The following IHO1 variants were observed in gnomAD, a reference collection of about 807,000 sequenced individuals.
IHO1 encodes the protein interactor of HORMAD1 protein 1.
In IHO1, 13 loss-of-function variants were observed where a neutral mutation model predicts 31.0. The ratio of observed to expected loss-of-function variants is 0.42; its 90% CI spans 0.27 to 0.67. The LOEUF (loss-of-function observed/expected upper bound fraction) is 0.67, where lower values mean the gene tolerates loss of function less well. Ranked by LOEUF, IHO1 falls within the 30% of genes least tolerant of loss-of-function variation. The pLI, the probability that IHO1 is intolerant of heterozygous loss-of-function variation, is 0.24. For missense variants in IHO1, 599 were observed against 687.5 expected, an observed-to-expected ratio of 0.87 and a Z score of 1.44; for synonymous variants, 221 against 248.4, an observed-to-expected ratio of 0.89 and a Z score of 1.04.
At chr3:49,200,449 AGT>A (rs1252928904) in intron 1 of IHO1, 111 of 390,136 alleles carry the variant, frequency 2.8e-4, no homozygotes, top group Non-Finnish European at 3.0e-4. Flanking sequence ...TGGGCGACAG[AGT>A]GAGACTCGGT....
At chr3:49,219,252 G>A (rs1479404092) in intron 2 of IHO1, among the ~76,000 whole-genome samples, 1 of 152,176 alleles carries the variant, frequency 6.6e-6, no homozygotes, top group African/African-American at 2.4e-5. Flanking sequence ...CACGCTGAAG[G>A]TGGTGGGTTT....
intron 3 of IHO1, among the ~76,000 whole-genome samples, chr3:49,237,037 T>G (rs2046567513): frequency 6.7e-6 from 1 of 149,454 alleles, no homozygotes; most frequent in Admixed American, 6.7e-5. Context: ...GGTGACAGAG[T>G]GAGAACCTGT....
chr3:49,229,420 A>C (rs927350760), intron 2 of IHO1, among the ~76,000 whole-genome samples: 1 of 152,224 alleles, frequency 6.6e-6, no homozygotes, highest in Non-Finnish European at 1.5e-5. Context: ...ATTGATTCAG[A>C]TTACAATGGG....
chr3:49,203,366 A>G (rs1321035620), intron 1 of IHO1, among the ~76,000 whole-genome samples: 1 of 152,162 alleles, frequency 6.6e-6, no homozygotes, highest in Non-Finnish European at 1.5e-5. Flanking sequence ...GTGGAGGGCT[A>G]TGGGGAGATT....
intron 6 of IHO1, among the ~76,000 whole-genome samples, chr3:49,254,802 G>A (rs571819409): frequency 3.3e-5 from 5 of 152,278 alleles, no homozygotes; most frequent in Middle Eastern, 3.4e-3. Flanking sequence ...GGTGGCTCAC[G>A]CCTGTAATCC....
intron 2 of IHO1, among the ~76,000 whole-genome samples, chr3:49,234,901 C>T (rs1303210175): frequency 1.3e-5 from 2 of 151,322 alleles, no homozygotes; most frequent in Non-Finnish European, 2.9e-5. Context: ...GGCTGGAGTG[C>T]AGTGGCACAA....
Position 49,236,595 on chromosome 3 carries a change from G to A in IHO1, c.104G>A (p.Ser35Asn), listed in dbSNP as rs767043637. 7.4e-6 allele frequency: 12 copies of A among 1,613,136 alleles called. No homozygotes were observed. The highest frequency in any genetic ancestry group is 1.3e-5 in the African/African-American group (1 of 74,836). ...NWNNNQNDYS[S>N]LSDSQFLFGS... ...AATAATAATCAAAATGATTATTCCA[G>A]TCTCAGTGATTCCCAGTTCCTCTTT... The change falls in exon 3 of 8, where the codon AGT (serine) becomes AAT (asparagine). Residue 35 changes from serine to asparagine, a missense_variant. Coordinates refer to ENST00000452691, the MANE Select transcript of IHO1 (RefSeq NM_001135197.2).
chr3:49,246,482 T>C (rs1009379330), intron 6 of IHO1, among the ~76,000 whole-genome samples: 4 of 151,818 alleles, frequency 2.6e-5, no homozygotes, highest in Non-Finnish European at 4.4e-5. Flanking sequence ...CCGTCTCTAC[T>C]AAAAATGCAA....
At chr3:49,228,531 C>T (rs370404734) in intron 2 of IHO1, among the ~76,000 whole-genome samples, 3 of 152,154 alleles carry the variant, frequency 2.0e-5, no homozygotes, top group Non-Finnish European at 4.4e-5. Context: ...CCACATTGGG[C>T]GCCAAAATGT....
chr3:49,250,754 A>G (rs572818045), intron 6 of IHO1, among the ~76,000 whole-genome samples: 1 of 152,274 alleles, frequency 6.6e-6, no homozygotes, highest in South Asian at 2.1e-4. Context: ...TCTTTGGGCC[A>G]GACACAGCAG....
Position 49,237,887 on chromosome 3 carries a change from C to CTTTTTTTTTTTT in IHO1, c.231+1185_231+1196dup, listed in dbSNP as rs574951773. Among the ~76,000 whole-genome samples, 50 of 51,438 alleles carry CTTTTTTTTTTTT rather than the reference C, an allele frequency of 9.7e-4. 4 individuals carry two copies. The highest frequency in any genetic ancestry group is 1.4e-3 in the Admixed American group (4 of 2,890). The allele number at this position is 51,438 out of a possible 152,430, so 33.7% of individuals were successfully genotyped here. Reference sequence around the variant, plus strand: ...TGTTTTGAGATTAACCTGTCTTTTCCTTTTTTTTTTTTTTTTTTTTTTTTT... The same window carrying CTTTTTTTTTTTT: ...TGTTTTGAGATTAACCTGTCTTTTCCTTTTTTTTTTTTTTTTTTTTTTTTTTTTTTTTTTTTT... On this transcript the variant is annotated intron_variant, in intron 3 of 7. Coordinates refer to ENST00000452691, the MANE Select transcript of IHO1 (RefSeq NM_001135197.2).
chr3:49,221,098 G>T (rs2046350279), intron 2 of IHO1, among the ~76,000 whole-genome samples: 1 of 152,196 alleles, frequency 6.6e-6, no homozygotes, highest in Admixed American at 6.5e-5. Context: ...GTGCTGATTG[G>T]TGCATTTACA....
chr3:49,198,057 C>T (rs1205140439), upstream of IHO1, among the ~76,000 whole-genome samples: 4 of 152,156 alleles, frequency 2.6e-5, no homozygotes, highest in African/African-American at 9.7e-5. Context: ...TGGGATCATA[C>T]AGTATGTATT....
chr3:49,218,811 C>T (rs898080777), intron 2 of IHO1, among the ~76,000 whole-genome samples: 5 of 152,096 alleles, frequency 3.3e-5, no homozygotes, highest in Non-Finnish European at 4.4e-5. Context: ...ATATCTGCCT[C>T]GGCCTATTCC....
At position 49,241,264 on chromosome 3, in the gene IHO1, C is replaced by T. The variant is rs1266160544; in HGVS notation, c.270C>T (p.Pro90=). The T allele has an allele frequency of 6.2e-7, 1 of 1,612,696 alleles. No individual in the cohort carries two copies. Among genetic ancestry groups the T allele is most frequent in the Non-Finnish European group, 8.5e-7 (1 of 1,179,506 alleles). ...PSIFTKYQTK[P]QLFGGDIKDG... is the part of the protein sequence containing the mutation. The stretch of plus-strand genomic sequence containing the variant: ...TTTTCACAAAGTACCAGACAAAGCC[C>T]CAGCTGTTCGGAGGAGATATAAAAG... Residue 90 remains proline (P), a synonymous_variant, in exon 4 of 8, where the codon CCC becomes CCT. Transcript: ENST00000452691.
intron 1 of IHO1, among the ~76,000 whole-genome samples, chr3:49,207,255 T>C (rs1319293374): frequency 1.3e-5 from 2 of 151,206 alleles, no homozygotes; most frequent in Non-Finnish European, 3.0e-5. Flanking sequence ...TGAGGTTTTT[T>C]TTTTTTTTTG....
At chr3:49,230,519 C>T (rs1011347872) in intron 2 of IHO1, among the ~76,000 whole-genome samples, 4 of 152,118 alleles carry the variant, frequency 2.6e-5, no homozygotes, top group South Asian at 2.1e-4. Flanking sequence ...AACAATTTGC[C>T]GGACTTATGT....
chr3:49,214,136 T>C (rs1308408801), intron 2 of IHO1: 3 of 178,068 alleles, frequency 1.7e-5, no homozygotes, highest in Non-Finnish European at 2.5e-5. Context: ...GTATCTAGCA[T>C]TGGGCCTGTT....
chr3:49,227,745 C>T (rs2046433466), intron 2 of IHO1, among the ~76,000 whole-genome samples: 1 of 152,126 alleles, frequency 6.6e-6, no homozygotes, highest in African/African-American at 2.4e-5. Flanking sequence ...AAATGGAGGG[C>T]CATACCCTGA....
Sources: gnomAD v4.1 joint callset for allele counts (sites outside exome capture counted in the v4.1 genomes callset) on GRCh38, gnomAD v4.1.1 for gene constraint, MANE v1.5 for transcripts, NCBI Gene and HGNC (gene_info 2026-07-23, HGNC 2026-07-21) for gene names.